Variants in FOXN3 observed in about 807,000 individuals in gnomAD.
FOXN3 encodes forkhead box protein N3.
A neutral mutation model predicts 38.4 loss-of-function variants in FOXN3; 7 were observed. The ratio of observed to expected loss-of-function variants is 0.18; its 90% CI spans 0.10 to 0.34. The LOEUF (loss-of-function observed/expected upper bound fraction) is 0.34, where lower values mean the gene tolerates loss of function less well. FOXN3 is among the 10% of genes least tolerant of loss of function. The probability of loss-of-function intolerance (pLI) is 1.00; values close to 1 mark genes in which losing one functional copy is unlikely to be tolerated. For missense variants in FOXN3, 456 were observed against 613.4 expected (o/e 0.74, Z 2.71); for synonymous variants, 230 against 242.2 (o/e 0.95, Z 0.47).
intron 2 of FOXN3, among the ~76,000 whole-genome samples, chr14:89,403,662 G>C (rs754946527): frequency 6.6e-6 from 1 of 152,228 alleles, no homozygotes; most frequent in African/African-American, 2.4e-5. Context: ...GCAGTACATC[G>C]ATGAAGTATC....
chr14:89,388,953 G>A (rs890444355), intron 2 of FOXN3, among the ~76,000 whole-genome samples: 1 of 151,976 alleles, frequency 6.6e-6, no homozygotes, highest in South Asian at 2.1e-4. Context: ...AACCAAAGTC[G>A]GGTGATCCAG....
At chr14:89,370,980 G>A (rs1163689457) in intron 2 of FOXN3, among the ~76,000 whole-genome samples, 7 of 137,374 alleles carry the variant, frequency 5.1e-5, no homozygotes, top group East Asian at 2.1e-4. Context: ...CAACAAAACC[G>A]TGCGTCTATT....
chr14:89,464,312 A>G (rs560789573), intron 1 of FOXN3, among the ~76,000 whole-genome samples: 5 of 152,274 alleles, frequency 3.3e-5, no homozygotes, highest in African/African-American at 9.6e-5. Context: ...AGGCAGCTCA[A>G]GTGCCTACTC....
rs573902866 is a variant in FOXN3 at position 89,593,164 on chromosome 14, GAGAA to G, written c.-15+25860_-15+25863del. On this transcript the variant is annotated intron_variant, in intron 1 of 6. Coordinates refer to the FOXN3 transcript ENST00000345097. ...GAGGGAGGGAGGAGGAAAGAAAGCA[GAGAA>G]GGAAGGAGGGAGGAAGGAAGGAGGG... 2.3e-4 allele frequency among the ~76,000 whole-genome samples: 33 copies of G among 143,816 alleles called. 1 individual carries two copies. The highest frequency in any genetic ancestry group is 8.5e-4 in the African/African-American group (33 of 38,640). 94.3% of individuals were successfully genotyped at this position (143,816 alleles called of 152,430 possible).
intron 2 of FOXN3, among the ~76,000 whole-genome samples, chr14:89,371,555 T>C (rs1453739085): frequency 6.6e-6 from 1 of 151,900 alleles, no homozygotes; most frequent in Non-Finnish European, 1.5e-5. Context: ...GTTGGTCCTC[T>C]CCCCAGTCTA....
chr14:89,519,764 G>A (rs1333511136), intron 1 of FOXN3, among the ~76,000 whole-genome samples: 2 of 152,138 alleles, frequency 1.3e-5, no homozygotes, highest in Non-Finnish European at 2.9e-5. Context: ...CAAGAACCTA[G>A]GGCCAGGGAT....
chr14:89,565,002 G>A (rs1348231064), intron 1 of FOXN3, among the ~76,000 whole-genome samples: 1 of 149,294 alleles, frequency 6.7e-6, no homozygotes, highest in Non-Finnish European at 1.5e-5. Context: ...GCTGAGGCAG[G>A]AGGATTGCTG....
chr14:89,247,520 G>T (rs1426677954), intron 4 of FOXN3, among the ~76,000 whole-genome samples: 2 of 152,190 alleles, frequency 1.3e-5, no homozygotes, highest in Non-Finnish European at 2.9e-5. Context: ...GGACAGGAAA[G>T]GATGTCTAGT....
intron 1 of FOXN3, among the ~76,000 whole-genome samples, chr14:89,497,304 C>A (rs936293513): frequency 6.6e-6 from 1 of 151,902 alleles, no homozygotes; most frequent in Non-Finnish European, 1.5e-5. Context: ...ACAGATATAC[C>A]ACATTTTATT....
At chr14:89,280,452 G>A (rs1403488564) in intron 4 of FOXN3, among the ~76,000 whole-genome samples, 1 of 152,068 alleles carries the variant, frequency 6.6e-6, no homozygotes, top group South Asian at 2.1e-4. Flanking sequence ...ACTGGACTCC[G>A]AACCTCAGAA....
At chr14:89,404,429 G>A (rs1469587734) in intron 2 of FOXN3, among the ~76,000 whole-genome samples, 1 of 148,632 alleles carries the variant, frequency 6.7e-6, no homozygotes, top group Non-Finnish European at 1.5e-5. Context: ...GCTTGAACCT[G>A]GGAAGGCGGA....
intron 2 of FOXN3, chr14:89,401,707 T>G (rs979383480): frequency 2.2e-6 from 1 of 455,252 alleles, no homozygotes; most frequent in African/African-American, 2.0e-5. Context: ...TTCTGCTAGG[T>G]GGGTGTTTTC....
intron 1 of FOXN3, among the ~76,000 whole-genome samples, chr14:89,524,470 G>A (rs1894396024): frequency 7.5e-6 from 1 of 132,734 alleles, no homozygotes; most frequent in African/African-American, 2.8e-5. Flanking sequence ...GTAAATAATA[G>A]AATGGAAATA....
chr14:89,521,588 C>T (rs911739159), intron 1 of FOXN3, among the ~76,000 whole-genome samples: 3 of 151,952 alleles, frequency 2.0e-5, no homozygotes, highest in Non-Finnish European at 2.9e-5. Context: ...GAATGAGACA[C>T]TAAGTCAATA....
rs1055867898 is a variant in FOXN3 at position 89,548,649 on chromosome 14, C to T, written c.-15+70379G>A. ...CCTTAATGTAAATGTAAGTTATTAC[C>T]ATAATAATGATGACTTTTCTTTTCA... On this transcript the variant is annotated intron_variant, in intron 1 of 6. Transcript: ENST00000345097. The surrounding 1 kb of genome is among the most constrained non-coding windows in gnomAD (Gnocchi z 4.8). Among the ~76,000 whole-genome samples, 2 of 151,924 alleles carry T rather than the reference C, an allele frequency of 1.3e-5. No homozygotes were observed. Among genetic ancestry groups the T allele is most frequent in the African/African-American group, 2.4e-5 (1 of 41,354 alleles).
intron 4 of FOXN3, among the ~76,000 whole-genome samples, chr14:89,253,004 T>A (rs1421725693): frequency 6.6e-6 from 1 of 151,852 alleles, no homozygotes; most frequent in Non-Finnish European, 1.5e-5. Context: ...TGGAAGGGGG[T>A]TGTCAAGGAC....
chr14:89,501,170 T>A (rs1181552566), intron 1 of FOXN3, among the ~76,000 whole-genome samples: 6 of 152,230 alleles, frequency 3.9e-5, no homozygotes, highest in Non-Finnish European at 5.9e-5. Context: ...TACACATGTA[T>A]CTTATGCTAA....
intron 1 of FOXN3, among the ~76,000 whole-genome samples, chr14:89,457,592 G>A (rs1178709129): frequency 6.6e-6 from 1 of 152,190 alleles, no homozygotes; most frequent in African/African-American, 2.4e-5. Flanking sequence ...CTCCTGCTTT[G>A]TGAAAAATCA....
intron 1 of FOXN3, among the ~76,000 whole-genome samples, chr14:89,569,901 A>G (rs574332537): frequency 1.3e-5 from 2 of 152,264 alleles, no homozygotes; most frequent in Non-Finnish European, 2.9e-5. Flanking sequence ...AGGAAACTCA[A>G]TTTAACTTTC....
Sources: allele counts gnomAD v4.1 joint callset (sites outside exome capture counted in the v4.1 genomes callset), GRCh38; gene constraint gnomAD v4.1.1; non-coding constraint Gnocchi (gnomAD v3.1); transcripts MANE v1.5; gene names NCBI Gene and HGNC (gene_info 2026-07-23, HGNC 2026-07-21).